The following HMGA2 variants were observed in gnomAD, a reference collection of about 807,000 sequenced individuals.
The protein encoded by HMGA2 is high mobility group AT-hook 2.
A neutral mutation model predicts 19.1 loss-of-function variants in HMGA2; 8 were observed. That is an observed-to-expected ratio of 0.42 (90% CI 0.25 to 0.76). The LOEUF (loss-of-function observed/expected upper bound fraction) is 0.76. Ranked by LOEUF, HMGA2 falls within the 30% of genes least tolerant of loss-of-function variation. The pLI, the probability that HMGA2 is intolerant of heterozygous loss-of-function variation, is 0.28. For missense variants in HMGA2, 109 were observed against 136.3 expected (o/e 0.80, Z 1.00); for synonymous variants, 60 against 48.8 (o/e 1.23, Z -0.96).
rs78638824 is a variant in HMGA2, at chr12:65,844,621, A to T, written c.249+6052A>T. Among the ~76,000 whole-genome samples, 611 of 152,354 alleles carry T rather than the reference A, an allele frequency of 4.0e-3. 3 individuals carry two copies. The highest frequency in any genetic ancestry group is 5.4e-3 in the Non-Finnish European group (370 of 68,032). ...TCATTTGTTTTAATATGTAAGTGCT[A>T]TTCTTAATTATTCTGTTAAATGAAG... On this transcript the variant is annotated intron_variant, in intron 3 of 4. Coordinates refer to ENST00000403681, the MANE Select transcript of HMGA2 (RefSeq NM_003483.6).
rs1304510421 is a variant in HMGA2 at position 65,965,061 on chromosome 12, TA to T, written c.*1770del. The T allele has an allele frequency of 1.6e-5, 3 of 189,788 alleles. No individual in the cohort carries two copies. Among genetic ancestry groups the T allele is most frequent in the Non-Finnish European group, 3.3e-5 (3 of 90,216 alleles). The allele number at this position is 189,788 out of a possible 1,614,324, so 11.8% of individuals were successfully genotyped here. On this transcript the variant is annotated 3_prime_UTR_variant, in exon 5 of 5. Transcript: ENST00000403681. ...AACTGCAGCTAACCCTAGTCAAAAC[TA>T]TTTTTGTAAAAGACATTTGATAGAA...
Position 65,825,302 on chromosome 12 carries a change from C to T in HMGA2, c.32C>T (p.Pro11Leu). ...GCACGCGGTGAGGGCGCGGGGCAGC[C>T]GTCCACTTCAGCCCAGGGACAACCT... is the stretch of plus-strand genomic sequence containing the variant. MSARGEGAGQ[P>L]STSAQGQPAA... is the part of the protein sequence containing the mutation. The change falls in exon 1 of 5, where the codon CCG becomes CTG. Residue 11 changes from proline to leucine, a missense_variant. Physicochemically the swap from Pro to Leu is moderately conservative, Grantham distance 98 (BLOSUM62 -3). Transcript: ENST00000403681. This position sits in a 1 kb window ranked among gnomAD's most constrained non-coding sequence, Gnocchi z 4.4. The T allele has an allele frequency of 2.0e-6, 3 of 1,535,730 alleles. No homozygotes were observed. The highest frequency in any genetic ancestry group is 1.2e-5 in the South Asian group (1 of 83,448).
chr12:65,899,591 C>T (rs753743735), intron 3 of HMGA2, among the ~76,000 whole-genome samples: 6 of 152,206 alleles, frequency 3.9e-5, no homozygotes, highest in African/African-American at 1.2e-4. Context: ...GAACTGGAAA[C>T]GTTCTGACCA....
chr12:65,866,633 G>T (rs1025362141), intron 3 of HMGA2, among the ~76,000 whole-genome samples: 5 of 152,122 alleles, frequency 3.3e-5, no homozygotes, highest in African/African-American at 1.2e-4. Context: ...TGTTCTTTTT[G>T]TGATACCCAT....
At chr12:65,962,222 C>A (rs556352133) in intron 4 of HMGA2, among the ~76,000 whole-genome samples, 4 of 152,166 alleles carry the variant, frequency 2.6e-5, no homozygotes, top group African/African-American at 9.7e-5. Context: ...ACGCTTTTAT[C>A]GGAAATGTTT....
chr12:65,828,344 C>CG, intron 2 of HMGA2: 1 of 191,752 alleles, frequency 5.2e-6, no homozygotes. Context: ...AACCTTAAAA[C>CG]GGGTAGAAGT....
intron 3 of HMGA2, among the ~76,000 whole-genome samples, chr12:65,872,650 C>T (rs1259295740): frequency 6.6e-6 from 1 of 152,182 alleles, no homozygotes; most frequent in Non-Finnish European, 1.5e-5. Flanking sequence ...TTCCCACTGC[C>T]ACATTCTTTG....
intron 3 of HMGA2, among the ~76,000 whole-genome samples, chr12:65,889,713 C>T (rs911226393): frequency 6.6e-6 from 1 of 152,174 alleles, no homozygotes; most frequent in Non-Finnish European, 1.5e-5. Flanking sequence ...GGATTATCTT[C>T]TTTCTTTCTC....
chr12:65,848,486 C>T (rs535565393), intron 3 of HMGA2, among the ~76,000 whole-genome samples: 108 of 152,324 alleles, frequency 7.1e-4, no homozygotes, highest in African/African-American at 2.5e-3. Context: ...CTGGGGACAA[C>T]AACCTGAAAT....
chr12:65,853,800 C>T (rs759614109), intron 3 of HMGA2, among the ~76,000 whole-genome samples: 2 of 152,136 alleles, frequency 1.3e-5, no homozygotes, highest in African/African-American at 2.4e-5. Context: ...TTGCTTTTCC[C>T]GTCTCTCTCT....
intron 3 of HMGA2, among the ~76,000 whole-genome samples, chr12:65,865,801 ATT>A (rs777343534): frequency 2.8e-5 from 4 of 142,732 alleles, no homozygotes; most frequent in Non-Finnish European, 3.1e-5. Context: ...CGCCCGGCTA[ATT>A]TTTTTTTTTT....
intron 3 of HMGA2, among the ~76,000 whole-genome samples, chr12:65,941,962 C>A (rs1340887191): frequency 6.6e-6 from 1 of 152,118 alleles, no homozygotes; most frequent in Non-Finnish European, 1.5e-5. Context: ...TAGTTCAAGT[C>A]CTGATCCGAT....
At position 65,946,588 on chromosome 12, in the gene HMGA2, G is replaced by C. The variant is rs143323051; in HGVS notation, c.250-4795G>C. 3.4e-3 allele frequency among the ~76,000 whole-genome samples: 519 copies of C among 151,994 alleles called. 1 individual carries two copies. The highest frequency in any genetic ancestry group is 5.7e-3 in the Non-Finnish European group (387 of 67,988). On this transcript the variant is annotated intron_variant, in intron 3 of 4. Transcript: ENST00000403681. ...TACTAAAATGAACTACTAATGTCTG[G>C]GTCCTTTGTTAGCAAGGATTTTCTT...
intron 4 of HMGA2, among the ~76,000 whole-genome samples, 182 bp from the exon 5 acceptor site, chr12:65,963,063 A>C (rs1876798038): frequency 6.6e-6 from 1 of 152,134 alleles, no homozygotes; most frequent in East Asian, 1.9e-4. Context: ...GGAAAAAACA[A>C]CACCTTGATT....
intron 2 of HMGA2, among the ~76,000 whole-genome samples, chr12:65,831,438 T>C (rs1454676130): frequency 6.6e-6 from 1 of 151,370 alleles, no homozygotes; most frequent in Non-Finnish European, 1.5e-5. Context: ...TAAATTTTAT[T>C]GGAAGGAAAA....
chr12:65,832,501 C>T (rs1048356466), intron 2 of HMGA2, among the ~76,000 whole-genome samples: 2 of 151,924 alleles, frequency 1.3e-5, no homozygotes, highest in Admixed American at 1.3e-4. Context: ...TATTGCATTT[C>T]AGTTCTTTCT....
chr12:65,945,251 G>T (rs1229841931), intron 3 of HMGA2, among the ~76,000 whole-genome samples: 1 of 151,048 alleles, frequency 6.6e-6, no homozygotes, highest in Non-Finnish European at 1.5e-5. Context: ...AAAAAAAAAT[G>T]ATTCAAAGCC....
intron 3 of HMGA2, among the ~76,000 whole-genome samples, chr12:65,875,128 T>C: frequency 6.6e-6 from 1 of 152,210 alleles, no homozygotes; most frequent in Non-Finnish European, 1.5e-5. Flanking sequence ...TTAATACAAG[T>C]AATTGTCCCA....
At chr12:65,857,262 CT>C (rs973261938) in intron 3 of HMGA2, 8 of 152,078 alleles carry the variant, frequency 5.3e-5, no homozygotes, top group Non-Finnish European at 1.0e-4. Flanking sequence ...CTGAAAACAC[CT>C]AATTTTTATT....
Sources: gnomAD v4.1 joint callset for allele counts (sites outside exome capture counted in the v4.1 genomes callset) on GRCh38, gnomAD v4.1.1 for gene constraint, Gnocchi (gnomAD v3.1) non-coding constraint, MANE v1.5 for transcripts, NCBI Gene and HGNC (gene_info 2026-07-23, HGNC 2026-07-21) for gene names.